Variants in SPATS2 observed in about 807,000 individuals in gnomAD.
SPATS2 encodes the protein spermatogenesis associated serine rich 2.
A neutral mutation model predicts 63.7 loss-of-function variants in SPATS2; 38 were observed. That is an observed-to-expected ratio of 0.60 (90% CI 0.46 to 0.78). The LOEUF is 0.78. SPATS2 is among the 30% of genes least tolerant of loss of function. The pLI is 0.00. For missense variants in SPATS2, 588 were observed against 666.2 expected (o/e 0.88, Z 1.29); for synonymous variants, 207 against 232.9 (o/e 0.89, Z 1.01).
chr12:49,435,923 G>C (rs1262694622), intron 2 of SPATS2, among the ~76,000 whole-genome samples: 5 of 150,200 alleles, frequency 3.3e-5, no homozygotes, highest in Non-Finnish European at 7.4e-5. Flanking sequence ...ACCCTGAGTG[G>C]ACACAGCACA....
chr12:49,401,198 A>G (rs1221737027), intron 2 of SPATS2, among the ~76,000 whole-genome samples: 3 of 152,090 alleles, frequency 2.0e-5, no homozygotes, highest in Admixed American at 6.5e-5. Flanking sequence ...TTTTGTAGAG[A>G]CAAGGTCTCC....
chr12:49,371,424 G>A (rs1943995827), intron 2 of SPATS2, 134 bp downstream of exon 2: 1 of 152,174 alleles, frequency 6.6e-6, no homozygotes, highest in Non-Finnish European at 1.5e-5. Context: ...TCCATTGTAT[G>A]TACACATCAC....
At chr12:49,467,057 T>C in intron 3 of SPATS2, among the ~76,000 whole-genome samples, 1 of 136,196 alleles carries the variant, frequency 7.3e-6, no homozygotes, top group South Asian at 2.5e-4. Context: ...TTTTTTTTTT[T>C]TTTTTTTTTT....
At chr12:49,465,443 A>G (rs1309440914) in intron 3 of SPATS2, among the ~76,000 whole-genome samples, 1 of 152,054 alleles carries the variant, frequency 6.6e-6, no homozygotes, top group Admixed American at 6.5e-5. Flanking sequence ...TACTTCCCTA[A>G]TGACTAATGA....
At chr12:49,519,780 G>A (rs1444457070) in intron 11 of SPATS2, among the ~76,000 whole-genome samples, 1 of 150,342 alleles carries the variant, frequency 6.7e-6, no homozygotes, top group African/African-American at 2.4e-5. Flanking sequence ...CTGTCCAAAT[G>A]CTCTTCTCCC....
intron 3 of SPATS2, among the ~76,000 whole-genome samples, chr12:49,470,018 C>T (rs990681462): frequency 6.6e-6 from 1 of 151,982 alleles, no homozygotes; most frequent in Non-Finnish European, 1.5e-5. Context: ...TTTATTCTGG[C>T]TACCAAGTTG....
chr12:49,500,666 G>A (rs1338328409), intron 9 of SPATS2, among the ~76,000 whole-genome samples: 1 of 152,072 alleles, frequency 6.6e-6, no homozygotes, highest in Admixed American at 6.5e-5. Flanking sequence ...TAGCTACTCG[G>A]GAGGCTGAGG....
intron 2 of SPATS2, among the ~76,000 whole-genome samples, chr12:49,378,956 C>T (rs1005364630): frequency 8.6e-5 from 13 of 151,574 alleles, no homozygotes; most frequent in Admixed American, 8.5e-4. Flanking sequence ...CTCCCTCTGT[C>T]GACCAGGCTG....
intron 1 of SPATS2, among the ~76,000 whole-genome samples, 189 bp downstream of exon 1, chr12:49,367,776 G>C (rs1943926616): frequency 1.3e-5 from 2 of 151,986 alleles, no homozygotes; most frequent in Non-Finnish European, 2.9e-5. Flanking sequence ...CTGTGGGGCG[G>C]GTGAAACACC....
At chr12:49,436,628 C>T (rs1423722190) in intron 2 of SPATS2, among the ~76,000 whole-genome samples, 18 of 130,804 alleles carry the variant, frequency 1.4e-4, no homozygotes, top group Admixed American at 1.5e-4. Flanking sequence ...ACCTCCCTCC[C>T]GGACGGGGCG....
intron 2 of SPATS2, among the ~76,000 whole-genome samples, chr12:49,449,572 C>A (rs1945581643): frequency 6.6e-6 from 1 of 152,166 alleles, no homozygotes; most frequent in Admixed American, 6.6e-5. Flanking sequence ...AAAGACATAT[C>A]TGAGACTGGG....
Position 49,470,301 on chromosome 12 carries a change from G to A in SPATS2, c.25+9264G>A, listed in dbSNP as rs374717665. Among the ~76,000 whole-genome samples the A allele has an allele frequency of 1.6e-4, 25 of 152,198 alleles. No homozygotes were observed. The South Asian group carries it at 3.3e-3, about 20-fold the overall frequency. On this transcript the variant is annotated intron_variant, in intron 3 of 13. Coordinates refer to ENST00000552918, the MANE Select transcript of SPATS2 (RefSeq NM_023071.4). ...CCTGCCTTGGCCTCCCAAAGTGCTG[G>A]AATTACAGGCATGAGCCACCACTCC...
intron 10 of SPATS2, among the ~76,000 whole-genome samples, chr12:49,518,107 G>A (rs1565761845): frequency 2.0e-5 from 3 of 152,178 alleles, no homozygotes; most frequent in Non-Finnish European, 4.4e-5. Context: ...TAAATTAAAA[G>A]AAAGGCTAAA....
intron 2 of SPATS2, among the ~76,000 whole-genome samples, chr12:49,415,486 T>C (rs1021946034): frequency 2.0e-5 from 3 of 152,234 alleles, no homozygotes; most frequent in African/African-American, 4.8e-5. Context: ...CTGGAGCTTA[T>C]CTCTCTCTAT....
At chr12:49,458,503 G>A (rs1945760040) in intron 2 of SPATS2, among the ~76,000 whole-genome samples, 1 of 151,720 alleles carries the variant, frequency 6.6e-6, no homozygotes, top group South Asian at 2.1e-4. Context: ...ATATTGGCCA[G>A]GAGCAGTGGC....
chr12:49,370,136 C>T (rs1437107855), intron 1 of SPATS2, among the ~76,000 whole-genome samples: 2 of 152,154 alleles, frequency 1.3e-5, no homozygotes, highest in African/African-American at 4.8e-5. Context: ...TACATTATTA[C>T]CTTATCTGTT....
At position 49,451,013 on chromosome 12, in the gene SPATS2, C is replaced by T. The variant is rs569289694; in HGVS notation, c.-243-9757C>T. On this transcript the variant is annotated intron_variant, in intron 2 of 13. Coordinates refer to ENST00000552918, the MANE Select transcript of SPATS2 (RefSeq NM_023071.4). ...CCTCCCGAGTAACTGGGATTACAGG[C>T]GCCCACCACTGTGCCCAGCTAATAT... 3.4e-4 allele frequency among the ~76,000 whole-genome samples: 52 copies of T among 151,426 alleles called. 1 individual carries two copies. The South Asian group carries it at 8.4e-3, about 24-fold the overall frequency.
intron 2 of SPATS2, among the ~76,000 whole-genome samples, chr12:49,379,335 C>T (rs1437576699): frequency 1.3e-5 from 2 of 150,158 alleles, no homozygotes; most frequent in Admixed American, 1.3e-4. Flanking sequence ...ATCACGAGGT[C>T]AGGAGATCGA....
At chr12:49,389,274 C>T (rs1944375924) in intron 2 of SPATS2, among the ~76,000 whole-genome samples, 1 of 152,172 alleles carries the variant, frequency 6.6e-6, no homozygotes, top group South Asian at 2.1e-4. Context: ...GTCCTTTTGG[C>T]GCCCCTGGCG....
Sources: gnomAD v4.1 joint callset for allele counts (sites outside exome capture counted in the v4.1 genomes callset) on GRCh38, gnomAD v4.1.1 for gene constraint, MANE v1.5 for transcripts, NCBI Gene and HGNC (gene_info 2026-07-23, HGNC 2026-07-21) for gene names.